The following TBC1D15 variants were observed in gnomAD, a reference collection of about 807,000 sequenced individuals.
The protein encoded by TBC1D15 is TBC1 domain family member 15.
TBC1D15 carries 39 observed loss-of-function variants against 95.4 expected under a neutral mutation model. The observed-to-expected ratio is 0.41, with a 90% CI of 0.32 to 0.53. TBC1D15 has a LOEUF of 0.53. Among genes scored for constraint, TBC1D15 ranks in the 20% least tolerant of loss-of-function variants. TBC1D15 has a pLI of 0.29. For missense variants in TBC1D15, 733 were observed against 794.3 expected (o/e 0.92, Z 0.93); for synonymous variants, 258 against 261.3 (o/e 0.99, Z 0.12).
Position 71,920,842 on chromosome 12 carries a change from C to G in TBC1D15, c.1711C>G (p.Leu571Val). Reference protein sequence around the residue: ...MEKHYGFNEILKHINELSMKI... With the variant: ...MEKHYGFNEIVKHINELSMKI... The stretch of plus-strand genomic sequence containing the variant: ...AAAGCATTATGGCTTCAATGAAATA[C>G]TTAAGGTAGTTATTCCTTTAATTCA... Residue 571 changes from leucine to valine, a missense_variant, in exon 15 of 17, where the codon CTT (leucine) becomes GTT (valine). Coordinates refer to ENST00000485960, the MANE Select transcript of TBC1D15 (RefSeq NM_001146213.3). 6.2e-7 allele frequency: 1 copy of G among 1,602,956 alleles called. No individual in the cohort carries two copies. Among genetic ancestry groups the G allele is most frequent in the Admixed American group, 1.7e-5 (1 of 59,294 alleles).
At chr12:71,919,680 G>A (rs1010802852) in intron 14 of TBC1D15, among the ~76,000 whole-genome samples, 4 of 152,098 alleles carry the variant, frequency 2.6e-5, no homozygotes, top group Non-Finnish European at 5.9e-5. Flanking sequence ...TTAAATTAGT[G>A]TCTTAATTTG....
chr12:71,873,727 T>C (rs1893178796), intron 3 of TBC1D15, among the ~76,000 whole-genome samples: 1 of 152,220 alleles, frequency 6.6e-6, no homozygotes, highest in South Asian at 2.1e-4. Flanking sequence ...TCAACACTTG[T>C]TATTATCTTT....
intron 4 of TBC1D15, among the ~76,000 whole-genome samples, chr12:71,884,302 G>C (rs889466549): frequency 2.0e-5 from 3 of 152,046 alleles, no homozygotes; most frequent in Non-Finnish European, 2.9e-5. Context: ...TCTTATTTTG[G>C]GGGGAGTGGG....
chr12:71,851,350 A>G (rs1887786669), intron 1 of TBC1D15, among the ~76,000 whole-genome samples: 1 of 152,034 alleles, frequency 6.6e-6, no homozygotes, highest in Admixed American at 6.5e-5. Flanking sequence ...GTAATTCAAC[A>G]TGAGATTTAG....
intron 1 of TBC1D15, chr12:71,850,039 G>A: frequency 1.9e-6 from 1 of 522,692 alleles, no homozygotes; most frequent in Non-Finnish European, 3.7e-6. Flanking sequence ...AGACAATTGT[G>A]AAGAGAGTTC....
At chr12:71,858,230 G>A (rs865944427) in intron 1 of TBC1D15, among the ~76,000 whole-genome samples, 51 of 151,922 alleles carry the variant, frequency 3.4e-4, no homozygotes, top group African/African-American at 1.0e-3. Context: ...GTACCACCAC[G>A]CATGGCTTAT....
intron 16 of TBC1D15, among the ~76,000 whole-genome samples, chr12:71,922,595 C>T (rs1869848742): frequency 6.6e-6 from 1 of 152,160 alleles, no homozygotes; most frequent in African/African-American, 2.4e-5. Context: ...TATTTGATAC[C>T]TGTTCTCTTC....
intron 16 of TBC1D15, 100 bp downstream of exon 16, chr12:71,921,554 G>T: frequency 1.6e-6 from 1 of 612,476 alleles, no homozygotes. Context: ...ACTTTAGTAA[G>T]CTGAGGGCAG....
In TBC1D15 at chr12:71,921,385, C is replaced by T. The variant is rs752783332; in HGVS notation, c.1734C>T (p.Ser578=). The T allele has an allele frequency of 7.7e-6, 12 of 1,552,160 alleles. No individual in the cohort carries two copies. In the East Asian group the frequency reaches 1.6e-4, roughly 21 times the overall value. The change falls in exon 16 of 17, where the codon TCC becomes TCT. Residue 578 remains serine, a synonymous_variant. Coordinates refer to ENST00000485960, the MANE Select transcript of TBC1D15 (RefSeq NM_001146213.3). ...NEILKHINEL[S]MKIDVEDILC... is the part of the protein sequence containing the mutation. ...CTTTTTAGCATATCAATGAATTGTC[C>T]ATGAAAATTGATGTGGAAGATATAC...
intron 1 of TBC1D15, among the ~76,000 whole-genome samples, chr12:71,842,387 T>G (rs328767): frequency 0.34 from 51,213 of 152,006 alleles, 10,460 homozygotes; most frequent in African/African-American, 0.58. Flanking sequence ...CCTACTTTAT[T>G]CTTGGTATGA....
In TBC1D15 at chr12:71,923,283, C is replaced by T; in HGVS notation, c.*79C>T. 1 of 1,329,168 alleles carries T rather than the reference C, an allele frequency of 7.5e-7. No individual in the cohort carries two copies. Among genetic ancestry groups the T allele is most frequent in the Non-Finnish European group, 1.1e-6 (1 of 936,462 alleles). 82.3% of individuals were successfully genotyped at this position (1,329,168 alleles called of 1,614,324 possible). A position where few individuals can be genotyped will look rare whatever the true frequency, so the allele number is the denominator to read the frequency against. On this transcript the variant is annotated 3_prime_UTR_variant, in exon 17 of 17. Coordinates refer to ENST00000485960, the MANE Select transcript of TBC1D15 (RefSeq NM_001146213.3). Reference sequence around the variant, plus strand: ...TACTTGAAAGTTGAAAATTTGAAATCTTGGTATTGATCATGCTTTAAGGTT... The same window carrying T: ...TACTTGAAAGTTGAAAATTTGAAATTTTGGTATTGATCATGCTTTAAGGTT...
intron 1 of TBC1D15, among the ~76,000 whole-genome samples, chr12:71,855,851 C>T (rs1347215632): frequency 6.8e-6 from 1 of 146,186 alleles, no homozygotes; most frequent in Non-Finnish European, 1.5e-5. Context: ...ATGGTTCTTC[C>T]ATATCTTCTA....
Position 71,839,762 on chromosome 12 carries a change from A to G in TBC1D15, c.-20A>G. On this transcript the variant is annotated 5_prime_UTR_variant, in exon 1 of 17. Coordinates refer to ENST00000485960, the MANE Select transcript of TBC1D15 (RefSeq NM_001146213.3). ...ACACGTGAGGTTCTGCTACGTCATT[A>G]CCAGGCACGCGCAGGAAACATGGCG... 1 of 1,614,126 alleles carries G rather than the reference A, an allele frequency of 6.2e-7. No individual in the cohort carries two copies. Among genetic ancestry groups the G allele is most frequent in the Non-Finnish European group, 8.5e-7 (1 of 1,180,014 alleles).
rs189560155 is a variant in TBC1D15 at position 71,854,770 on chromosome 12, C to A, written c.30+14959C>A. 1,224 of 456,668 alleles carry A rather than the reference C, an allele frequency of 2.7e-3. 3 individuals carry two copies. The highest frequency in any genetic ancestry group is 4.7e-3 in the Admixed American group (202 of 42,580). 28.3% of individuals were successfully genotyped at this position (456,668 alleles called of 1,614,324 possible). On this transcript the variant is annotated intron_variant, in intron 1 of 16. Coordinates refer to ENST00000485960, the MANE Select transcript of TBC1D15 (RefSeq NM_001146213.3). ...AAAACAATTGCATTCCTCTCCCCCC[C>A]ACCTTCTTTTGCAGATTCGCTTGGT...
rs11178985 is a variant in TBC1D15 at position 71,918,488 on chromosome 12, G to A, written c.1539G>A (p.Arg513=). 0.11 allele frequency: 177,101 copies of A among 1,604,822 alleles called. 13,361 individuals are homozygous for A. Among genetic ancestry groups the A allele is most frequent in the African/African-American group, 0.38 (28,446 of 73,984 alleles). The change falls in exon 14 of 17, where the codon AGG becomes AGA. Residue 513 remains arginine (R), a synonymous_variant. Transcript: ENST00000485960. ...CTGGATACCTTTATTTTTGCTTCAG[G>A]TGGCTTTTAATCAGATTCAAAAGGG... ...QDSGYLYFCF[R]WLLIRFKREF...
At chr12:71,840,602 A>G (rs556657070) in intron 1 of TBC1D15, among the ~76,000 whole-genome samples, 1 of 152,328 alleles carries the variant, frequency 6.6e-6, no homozygotes, top group East Asian at 1.9e-4. Flanking sequence ...GCTTTATGAT[A>G]TGCCACCGAT....
chr12:71,918,619 AATGAATTATGATAGCCTT>A, intron 14 of TBC1D15, 71 bp downstream of exon 14: 1 of 1,019,518 alleles, frequency 9.8e-7, no homozygotes. Context: ...GTAGAGTGTA[AATGAATTATGATAGCCTT>A]ACTGAAATAT....
rs1278290475 is a variant in TBC1D15 at position 71,884,848 on chromosome 12, A to G, written c.381A>G (p.Ser127=). 6.2e-7 allele frequency: 1 copy of G among 1,614,028 alleles called. No homozygotes were observed. The highest frequency in any genetic ancestry group is 1.1e-5 in the South Asian group (1 of 91,084). ...ATAGAAATGGGAAAAGCAAATGGTC[A>G]TTCCTGTTCAGTTTGACAGACCTGA... ...PSHRNGKSKW[S]FLFSLTDLKS... Residue 127 remains serine (S), a synonymous_variant, in exon 5 of 17, where the codon TCA becomes TCG. Coordinates refer to ENST00000485960, the MANE Select transcript of TBC1D15 (RefSeq NM_001146213.3).
At chr12:71,848,830 A>G (rs908569407) in intron 1 of TBC1D15, among the ~76,000 whole-genome samples, 4 of 152,208 alleles carry the variant, frequency 2.6e-5, no homozygotes, top group Admixed American at 6.5e-5. Flanking sequence ...ACAAAGAACT[A>G]TGGCTTCCTA....
Sources: allele counts gnomAD v4.1 joint callset (sites outside exome capture counted in the v4.1 genomes callset), GRCh38; gene constraint gnomAD v4.1.1; transcripts MANE v1.5; gene names NCBI Gene and HGNC (gene_info 2026-07-23, HGNC 2026-07-21).